The following ACKR3 variants were observed in gnomAD, a reference collection of about 807,000 sequenced individuals.
ACKR3 encodes atypical chemokine receptor 3, also known as C-X-C chemokine receptor type 7.
A neutral mutation model predicts 22.4 loss-of-function variants in ACKR3; 6 were observed. The observed-to-expected ratio is 0.27, with a 90% confidence interval of 0.15 to 0.53. The LOEUF (loss-of-function observed/expected upper bound fraction) is 0.53. Ranked by LOEUF, ACKR3 falls within the 20% of genes least tolerant of loss-of-function variation. The pLI, the probability that ACKR3 is intolerant of heterozygous loss-of-function variation, is 0.96. For missense variants in ACKR3, 396 were observed against 475.2 expected, an observed-to-expected ratio of 0.83 and a Z score of 1.55; for synonymous variants, 209 against 205.2, an observed-to-expected ratio of 1.02 and a Z score of -0.16.
intron 1 of ACKR3, among the ~76,000 whole-genome samples, chr2:236,571,254 C>G (rs1691301325): frequency 6.6e-6 from 1 of 152,174 alleles, no homozygotes; most frequent in Admixed American, 6.5e-5. Context: ...AAACAATTTG[C>G]TCTTTTTTCC....
At chr2:236,556,472 C>T in the ACKR3 span, among the ~76,000 whole-genome samples, 42 of 152,000 alleles carry the variant, frequency 2.8e-4, no homozygotes, top group Middle Eastern at 3.4e-3. Flanking sequence ...CCTTATATGA[C>T]GGGGGCAGGG....
chr2:236,541,065 G>A, the ACKR3 span, among the ~76,000 whole-genome samples: 1 of 148,296 alleles, frequency 6.7e-6, no homozygotes, highest in Non-Finnish European at 1.5e-5. Flanking sequence ...TTCTGACCCT[G>A]TCTCTGGGCT....
the ACKR3 span, among the ~76,000 whole-genome samples, chr2:236,540,759 C>G: frequency 8.5e-5 from 13 of 152,254 alleles, no homozygotes; most frequent in South Asian, 2.7e-3. Flanking sequence ...CCACCCTTTC[C>G]TCATTGATCG....
At chr2:236,565,089 A>G (rs144922939), upstream of ACKR3, among the ~76,000 whole-genome samples, 78 of 152,280 alleles carry the variant, frequency 5.1e-4, 1 homozygote, top group African/African-American at 1.8e-3. Context: ...TTAAAACTGT[A>G]TGCTATCACT....
the ACKR3 span, among the ~76,000 whole-genome samples, chr2:236,556,538 G>A: frequency 1.3e-5 from 2 of 152,098 alleles, no homozygotes; most frequent in African/African-American, 4.8e-5. Context: ...TTCGAGGAGG[G>A]GCCCAAGCCA....
At chr2:236,539,265 TC>T in the ACKR3 span, among the ~76,000 whole-genome samples, 77 of 151,756 alleles carry the variant, frequency 5.1e-4, no homozygotes, top group African/African-American at 1.6e-3. Context: ...TCTCTCTCTC[TC>T]TCTCTCTCTT....
At chr2:236,563,514 A>C (rs139801020), upstream of ACKR3, among the ~76,000 whole-genome samples, 73 of 152,334 alleles carry the variant, frequency 4.8e-4, no homozygotes, top group African/African-American at 1.4e-3. Flanking sequence ...AGGTTTTCTA[A>C]AGCAATTATA....
upstream of ACKR3, among the ~76,000 whole-genome samples, chr2:236,564,633 C>A (rs925098163): frequency 7.1e-6 from 1 of 141,392 alleles, no homozygotes; most frequent in African/African-American, 2.7e-5. Context: ...CTTAATAAAT[C>A]AGTTGTCCCT....
At chr2:236,575,032 A>G (rs942782240) in intron 1 of ACKR3, among the ~76,000 whole-genome samples, 4 of 152,074 alleles carry the variant, frequency 2.6e-5, no homozygotes, top group African/African-American at 4.8e-5. Flanking sequence ...GAAGGAATGA[A>G]TGAGATAAAA....
At chr2:236,545,535 G>A in the ACKR3 span, among the ~76,000 whole-genome samples, 1 of 152,332 alleles carries the variant, frequency 6.6e-6, no homozygotes. This position sits in a 1 kb window ranked among gnomAD's most constrained non-coding sequence, Gnocchi z 5.3. Context: ...ATGTTTAGAC[G>A]ATGATGTTCA....
chr2:236,539,785 A>G, the ACKR3 span, among the ~76,000 whole-genome samples: 1 of 152,214 alleles, frequency 6.6e-6, no homozygotes, highest in Non-Finnish European at 1.5e-5. Context: ...AAGAGATTTA[A>G]CTGACTCACA....
At chr2:236,555,109 G>A in the ACKR3 span, among the ~76,000 whole-genome samples, 1 of 152,236 alleles carries the variant, frequency 6.6e-6, no homozygotes, top group Non-Finnish European at 1.5e-5. Context: ...GAGATGCTCA[G>A]GAAGTTCCTG....
intron 1 of ACKR3, among the ~76,000 whole-genome samples, chr2:236,570,398 ATT>A (rs1691281973): frequency 6.6e-6 from 1 of 152,232 alleles, no homozygotes; most frequent in South Asian, 2.1e-4. Context: ...TGAACACTTT[ATT>A]AAGAGGCATC....
At chr2:236,546,767 G>A in the ACKR3 span, among the ~76,000 whole-genome samples, 2 of 152,256 alleles carry the variant, frequency 1.3e-5, no homozygotes, top group South Asian at 4.1e-4. This position sits in a 1 kb window ranked among gnomAD's most constrained non-coding sequence, Gnocchi z 4.9. Flanking sequence ...CCACTGGCAG[G>A]AAGGGCAAGG....
At chr2:236,545,075 G>C in the ACKR3 span, among the ~76,000 whole-genome samples, 18 of 152,132 alleles carry the variant, frequency 1.2e-4, no homozygotes, top group African/African-American at 4.1e-4. The surrounding 1 kb of genome is among the most constrained non-coding windows in gnomAD (Gnocchi z 5.3). Context: ...GGGGCTGCCG[G>C]GCATGCTTGT....
At chr2:236,580,215 TC>T (rs2106508905) in intron 1 of ACKR3, among the ~76,000 whole-genome samples, 1 of 152,366 alleles carries the variant, frequency 6.6e-6, no homozygotes, top group African/African-American at 2.4e-5. Context: ...ACAGTTTCTG[TC>T]TTGGAGCACC....
chr2:236,566,718 C>CGCTTCCTTCCTTCCTTCCTTCCTT (rs1691187039), upstream of ACKR3, among the ~76,000 whole-genome samples: 1 of 114,490 alleles, frequency 8.7e-6, no homozygotes, highest in African/African-American at 4.1e-5. Flanking sequence ...TCCTTTCCTT[C>CGCTTCCTTCCTTCCTTCCTTCCTT]CCTTCCTTCC....
chr2:236,562,831 G>A (rs1044144524), upstream of ACKR3, among the ~76,000 whole-genome samples: 2 of 152,138 alleles, frequency 1.3e-5, no homozygotes, highest in South Asian at 2.1e-4. Context: ...GGAGCTTCAC[G>A]TGCAATGGGG....
upstream of ACKR3, among the ~76,000 whole-genome samples, chr2:236,567,601 GAGACA>G (rs538702951): frequency 5.2e-3 from 796 of 152,310 alleles, 5 homozygotes; most frequent in African/African-American, 0.018. Flanking sequence ...GAGGCCCAAG[GAGACA>G]GCCAAGTTCA....
Sources: gnomAD v4.1 joint callset for allele counts (sites outside exome capture counted in the v4.1 genomes callset) on GRCh38, gnomAD v4.1.1 for gene constraint, Gnocchi (gnomAD v3.1) non-coding constraint, MANE v1.5 for transcripts, NCBI Gene and HGNC (gene_info 2026-07-23, HGNC 2026-07-21) for gene names.